The following APBB1IP variants were observed in gnomAD, a reference collection of about 807,000 sequenced individuals.
APBB1IP encodes amyloid beta A4 precursor protein-binding family B member 1-interacting protein.
Under a neutral mutation model 64.9 loss-of-function variants are expected in APBB1IP, and 27 were observed. The ratio of observed to expected loss-of-function variants is 0.42; its 90% CI spans 0.31 to 0.57. The LOEUF (loss-of-function observed/expected upper bound fraction) is 0.57. APBB1IP is among the 20% of genes least tolerant of loss of function. APBB1IP has a pLI of 0.20. For synonymous variants in APBB1IP, 392 were observed against 331.0 expected, an observed-to-expected ratio of 1.18 and a Z score of -2.00; for missense variants, 812 against 845.5, an observed-to-expected ratio of 0.96 and a Z score of 0.49.
chr10:26,492,308 C>A lies in APBB1IP; in HGVS notation c.1-19C>A, dbSNP rs746260291. On this transcript the variant is annotated intron_variant, in intron 2 of 14. Coordinates refer to ENST00000376236, the MANE Select transcript of APBB1IP (RefSeq NM_019043.4). ...GGCTTTTATGAGACTGCTAATATCT[C>A]AGTTTCTTCCTTTTTCAGATGGGTG... The A allele has an allele frequency of 6.2e-7, 1 of 1,610,544 alleles. No individual in the cohort carries two copies.
chr10:26,511,540 T>G (rs112746094), intron 6 of APBB1IP, among the ~76,000 whole-genome samples: 49 of 152,336 alleles, frequency 3.2e-4, no homozygotes, highest in African/African-American at 1.2e-3. Flanking sequence ...TATTATCTAT[T>G]TTCTATTTTT....
chr10:26,453,900 A>G lies in APBB1IP; in HGVS notation c.-1+15047A>G, dbSNP rs980358153. On this transcript the variant is annotated intron_variant, in intron 2 of 14. Transcript: ENST00000376236. The stretch of plus-strand genomic sequence containing the variant: ...CAAAAGGAAGGAAATCAGTATATCA[A>G]AAAGATATCTGCGCTTCTGTGTTTG... Among the ~76,000 whole-genome samples the G allele has an allele frequency of 1.2e-4, 18 of 152,258 alleles. 1 individual carries two copies. The highest frequency in any genetic ancestry group is 1.6e-4 in the Non-Finnish European group (11 of 68,040).
chr10:26,526,099 G>A (rs1349604443), intron 8 of APBB1IP, among the ~76,000 whole-genome samples: 1 of 152,144 alleles, frequency 6.6e-6, no homozygotes, highest in East Asian at 1.9e-4. Context: ...CCATAGTTTG[G>A]GATAGCGTGT....
At chr10:26,499,755 A>G (rs984248156) in intron 4 of APBB1IP, among the ~76,000 whole-genome samples, 4 of 152,164 alleles carry the variant, frequency 2.6e-5, no homozygotes, top group African/African-American at 4.8e-5. Context: ...AAGAAATCCT[A>G]AGGAGATCTC....
chr10:26,545,538 A>G (rs1236630236), intron 11 of APBB1IP, among the ~76,000 whole-genome samples: 1 of 152,158 alleles, frequency 6.6e-6, no homozygotes, highest in Non-Finnish European at 1.5e-5. Flanking sequence ...AGGCGGGCGG[A>G]TCACGAGGTC....
chr10:26,447,292 A>C (rs1490423649), intron 2 of APBB1IP, among the ~76,000 whole-genome samples: 1 of 149,588 alleles, frequency 6.7e-6, no homozygotes, highest in Non-Finnish European at 1.5e-5. Flanking sequence ...GGAGAGTGGC[A>C]TGAACCCAGG....
At chr10:26,512,699 T>G (rs991494419) in intron 7 of APBB1IP, among the ~76,000 whole-genome samples, 1 of 152,174 alleles carries the variant, frequency 6.6e-6, no homozygotes, top group Non-Finnish European at 1.5e-5. Context: ...CTCGAGCTCC[T>G]GGGCTCAAGC....
intron 8 of APBB1IP, among the ~76,000 whole-genome samples, chr10:26,523,387 A>G (rs1343057643): frequency 6.6e-6 from 1 of 152,144 alleles, no homozygotes. Context: ...TTCCAAAAGG[A>G]TTTGTGATGA....
intron 6 of APBB1IP, among the ~76,000 whole-genome samples, chr10:26,509,923 T>C (rs1588594489): frequency 6.6e-6 from 1 of 152,202 alleles, no homozygotes; most frequent in Admixed American, 6.5e-5. Context: ...TTACATTACA[T>C]GAAAATCACG....
At chr10:26,556,693 A>G (rs1836898729) in intron 11 of APBB1IP, among the ~76,000 whole-genome samples, 1 of 152,218 alleles carries the variant, frequency 6.6e-6, no homozygotes, top group African/African-American at 2.4e-5. Context: ...ACACGATGAG[A>G]TTTAGTCTGC....
At chr10:26,445,926 A>G (rs1157480843) in intron 2 of APBB1IP, among the ~76,000 whole-genome samples, 1 of 152,212 alleles carries the variant, frequency 6.6e-6, no homozygotes, top group Non-Finnish European at 1.5e-5. Context: ...ATTAACTGCT[A>G]TCAAGCCAGG....
intron 11 of APBB1IP, among the ~76,000 whole-genome samples, chr10:26,541,956 A>G (rs2132469671): frequency 6.6e-6 from 1 of 152,328 alleles, no homozygotes; most frequent in South Asian, 2.1e-4. Flanking sequence ...AAATTAATTT[A>G]TAATGTTATC....
At chr10:26,495,826 T>G (rs1227968038) in intron 3 of APBB1IP, among the ~76,000 whole-genome samples, 1 of 149,266 alleles carries the variant, frequency 6.7e-6, no homozygotes, top group East Asian at 1.9e-4. Flanking sequence ...AAACAGCTTT[T>G]CTTCTCCAAG....
chr10:26,478,698 G>T (rs1470614393), intron 2 of APBB1IP, among the ~76,000 whole-genome samples: 1 of 152,008 alleles, frequency 6.6e-6, no homozygotes, highest in Admixed American at 6.6e-5. Context: ...GGTATTTAAA[G>T]CCCTAAGAGC....
intron 8 of APBB1IP, among the ~76,000 whole-genome samples, chr10:26,527,693 T>C (rs1410539804): frequency 1.0e-4 from 14 of 140,684 alleles, no homozygotes; most frequent in Non-Finnish European, 2.2e-4. Flanking sequence ...GTCTTTTTTT[T>C]TTTTTTTTTT....
At chr10:26,476,243 G>C (rs1277074899) in intron 2 of APBB1IP, among the ~76,000 whole-genome samples, 1 of 151,612 alleles carries the variant, frequency 6.6e-6, no homozygotes, top group African/African-American at 2.4e-5. Context: ...ATTTTTGGTA[G>C]AGACAGCATT....
At chr10:26,528,997 C>A (rs576190617) in intron 8 of APBB1IP, among the ~76,000 whole-genome samples, 3 of 152,172 alleles carry the variant, frequency 2.0e-5, no homozygotes. Context: ...TATTTCTTCA[C>A]GAACTGATAA....
At chr10:26,523,031 A>AC (rs1836424045) in intron 8 of APBB1IP, among the ~76,000 whole-genome samples, 1 of 151,378 alleles carries the variant, frequency 6.6e-6, no homozygotes, top group African/African-American at 2.4e-5. Flanking sequence ...AAAAAAAAAA[A>AC]ACCAAGAAAA....
rs1267864717 is a variant in APBB1IP, at chr10:26,541,517, G to A, written c.1045-65G>A. 6 of 1,037,096 alleles carry A rather than the reference G, an allele frequency of 5.8e-6. No homozygotes were observed. In the Admixed American group the frequency reaches 1.1e-4, roughly 18 times the overall value. 64.2% of individuals were successfully genotyped at this position (1,037,096 alleles called of 1,614,324 possible). Reference sequence around the variant, plus strand: ...TATAATCCTTAGTTGTGCTATGAAGGACAACTCTGGAAAATTGTTAACTGT... The same window carrying A: ...TATAATCCTTAGTTGTGCTATGAAGAACAACTCTGGAAAATTGTTAACTGT... On this transcript the variant is annotated intron_variant, in intron 10 of 14. Transcript: ENST00000376236.
Sources: gnomAD v4.1 joint callset for allele counts (sites outside exome capture counted in the v4.1 genomes callset) on GRCh38, gnomAD v4.1.1 for gene constraint, MANE v1.5 for transcripts, NCBI Gene and HGNC (gene_info 2026-07-23, HGNC 2026-07-21) for gene names.